STXBP5L: variants seen among roughly 807,000 people sequenced by gnomAD.
The protein encoded by STXBP5L is syntaxin binding protein 5L, also known as syntaxin-binding protein 5-like.
In STXBP5L, 65 loss-of-function variants were observed where a neutral mutation model predicts 144.5. The ratio of observed to expected loss-of-function variants is 0.45; its 90% confidence interval spans 0.37 to 0.55. The LOEUF (loss-of-function observed/expected upper bound fraction) is 0.55. Among genes scored for constraint, STXBP5L ranks in the 20% least tolerant of loss-of-function variants. The pLI is 0.00. For synonymous variants in STXBP5L, 505 were observed against 469.6 expected (o/e 1.08, Z -0.97); for missense variants, 1,298 against 1,405.5 (o/e 0.92, Z 1.22).
At chr3:121,307,999 A>C (rs1360951879) in intron 19 of STXBP5L, among the ~76,000 whole-genome samples, 1 of 152,190 alleles carries the variant, frequency 6.6e-6, no homozygotes, top group Non-Finnish European at 1.5e-5. Context: ...ATCAGAAACA[A>C]TGGAGGCCAG....
At chr3:121,368,677 TAG>T (rs1374479480) in intron 20 of STXBP5L, among the ~76,000 whole-genome samples, 1 of 152,184 alleles carries the variant, frequency 6.6e-6, no homozygotes, top group Non-Finnish European at 1.5e-5. Flanking sequence ...ATTTGCTTTA[TAG>T]TTGTAATCTG....
intron 5 of STXBP5L, among the ~76,000 whole-genome samples, chr3:121,063,845 C>T (rs1339197615): frequency 2.0e-5 from 3 of 152,214 alleles, no homozygotes; most frequent in Admixed American, 6.5e-5. Flanking sequence ...CTCCCCCCAC[C>T]AAGATAGCAT....
chr3:120,966,625 CA>C (rs1939613367), intron 3 of STXBP5L, among the ~76,000 whole-genome samples: 2 of 152,100 alleles, frequency 1.3e-5, no homozygotes, highest in South Asian at 4.1e-4. Context: ...TGCAGAACAG[CA>C]AATATTGCAG....
chr3:121,355,244 G>T (rs553924326), intron 20 of STXBP5L, among the ~76,000 whole-genome samples: 1 of 152,116 alleles, frequency 6.6e-6, no homozygotes, highest in African/African-American at 2.4e-5. Context: ...GCCTTGCTAA[G>T]TTGGGGAAGT....
At chr3:121,336,313 A>G (rs973718039) in intron 20 of STXBP5L, among the ~76,000 whole-genome samples, 1 of 152,106 alleles carries the variant, frequency 6.6e-6, no homozygotes, top group African/African-American at 2.4e-5. Context: ...CCTAGGAAAC[A>G]TGACAAAACC....
chr3:120,939,976 T>A (rs953118467), intron 2 of STXBP5L, among the ~76,000 whole-genome samples: 1 of 152,124 alleles, frequency 6.6e-6, no homozygotes, highest in Non-Finnish European at 1.5e-5. Context: ...GTCTCCTGAC[T>A]TCTAACAAAA....
chr3:121,258,092 A>G (rs2050266625), intron 17 of STXBP5L, among the ~76,000 whole-genome samples: 1 of 152,148 alleles, frequency 6.6e-6, no homozygotes, highest in South Asian at 2.1e-4. Flanking sequence ...CTTTTTTAAA[A>G]CTATTTATTA....
chr3:121,205,200 C>A (rs1443225283), intron 9 of STXBP5L, among the ~76,000 whole-genome samples: 2 of 152,186 alleles, frequency 1.3e-5, no homozygotes, highest in Middle Eastern at 3.4e-3. Context: ...ACACACTACG[C>A]AATGTATAAA....
chr3:121,178,859 C>T (rs1032324849), intron 9 of STXBP5L, among the ~76,000 whole-genome samples: 1 of 151,994 alleles, frequency 6.6e-6, no homozygotes, highest in East Asian at 1.9e-4. Context: ...AGGGAAGAGT[C>T]AGGCAGCCAG....
chr3:120,955,137 TA>T lies in STXBP5L; in HGVS notation c.287+101del, dbSNP rs578062996. 956 of 844,328 alleles carry T rather than the reference TA, an allele frequency of 1.1e-3. 10 individuals carry two copies. In the African/African-American group the frequency reaches 0.015, roughly 13 times the overall value. 52.3% of individuals were successfully genotyped at this position (844,328 alleles called of 1,614,324 possible). On this transcript the variant is annotated intron_variant, in intron 3 of 26. Transcript: ENST00000471454. Reference sequence around the variant, plus strand: ...ATATTTATGACCAAATAAAGTTTATTATTTTTTAAGAAATGAGTAACTATTG... The same window carrying T: ...ATATTTATGACCAAATAAAGTTTATTTTTTTTAAGAAATGAGTAACTATTG...
intron 12 of STXBP5L, among the ~76,000 whole-genome samples, chr3:121,237,210 G>A (rs1280371832): frequency 1.3e-5 from 2 of 152,200 alleles, no homozygotes; most frequent in African/African-American, 4.8e-5. Context: ...GATATCTAGG[G>A]GGCAGCTGCC....
At chr3:120,981,491 T>G (rs1451883507) in intron 3 of STXBP5L, among the ~76,000 whole-genome samples, 1 of 152,156 alleles carries the variant, frequency 6.6e-6, no homozygotes, top group African/African-American at 2.4e-5. Flanking sequence ...GGCTTTGATC[T>G]CTATATTGTG....
In STXBP5L at chr3:121,193,046, T is replaced by C. The variant is rs578136608; in HGVS notation, c.878-12877T>C. 2.1e-4 allele frequency among the ~76,000 whole-genome samples: 30 copies of C among 142,828 alleles called. 3 individuals carry two copies. Among genetic ancestry groups the C allele is most frequent in the Non-Finnish European group, 4.0e-4 (26 of 65,518 alleles). 93.7% of individuals were successfully genotyped at this position (142,828 alleles called of 152,430 possible). The stretch of plus-strand genomic sequence containing the variant: ...CACAGTGAATAGGCAACCTACAGAA[T>C]GGGAGAAAATTTTTACAATCTACCT... On this transcript the variant is annotated intron_variant, in intron 9 of 26. Transcript: ENST00000471454.
Position 120,954,938 on chromosome 3 carries a change from A to G in STXBP5L, c.190-2A>G. 1 of 1,611,168 alleles carries G rather than the reference A, an allele frequency of 6.2e-7. No individual in the cohort carries two copies. Among genetic ancestry groups the G allele is most frequent in the East Asian group, 2.2e-5 (1 of 44,734 alleles). On this transcript the variant is annotated splice_acceptor_variant, in intron 2 of 26. Transcript: ENST00000471454. LOFTEE classifies it high-confidence loss of function. ...TTATTGGTATTATTTGCTCTCTTTC[A>G]GACAGTTCGGCATGGTTTTCCTCAT... is the stretch of plus-strand genomic sequence containing the variant.
chr3:120,960,781 G>A (rs1938690011), intron 3 of STXBP5L, among the ~76,000 whole-genome samples: 1 of 151,900 alleles, frequency 6.6e-6, no homozygotes, highest in Non-Finnish European at 1.5e-5. Flanking sequence ...CAGGGGGGAG[G>A]GATAGCATTA....
intron 7 of STXBP5L, among the ~76,000 whole-genome samples, chr3:121,148,540 A>G (rs1309821469): frequency 1.3e-5 from 2 of 152,142 alleles, no homozygotes; most frequent in Non-Finnish European, 2.9e-5. Flanking sequence ...TGATGAATTA[A>G]TATTTTTCCT....
intron 20 of STXBP5L, among the ~76,000 whole-genome samples, chr3:121,328,056 C>A (rs1286567080): frequency 3.3e-5 from 5 of 152,052 alleles, no homozygotes; most frequent in Non-Finnish European, 7.4e-5. Context: ...TTTGTTAGGA[C>A]ATACTATTGT....
At chr3:121,129,392 A>G (rs79090701) in intron 7 of STXBP5L, among the ~76,000 whole-genome samples, 15,042 of 151,688 alleles carry the variant, frequency 0.099, 937 homozygotes, top group Non-Finnish European at 0.14. Flanking sequence ...GTGGTCACCA[A>G]TACATATTGT....
chr3:121,417,792 T>C (rs1242302171), intron 25 of STXBP5L, among the ~76,000 whole-genome samples: 5 of 152,242 alleles, frequency 3.3e-5, no homozygotes, highest in Non-Finnish European at 5.9e-5. Context: ...GTAACTTATA[T>C]GGGTAAATGT....
Sources: gnomAD v4.1 joint callset for allele counts (sites outside exome capture counted in the v4.1 genomes callset) on GRCh38, gnomAD v4.1.1 for gene constraint, MANE v1.5 for transcripts, NCBI Gene and HGNC (gene_info 2026-07-23, HGNC 2026-07-21) for gene names.